Variants in ANK1 observed in about 807,000 individuals in gnomAD.
ANK1 encodes ankyrin 1.
A neutral mutation model predicts 210.4 loss-of-function variants in ANK1; 51 were observed. The ratio of observed to expected loss-of-function variants is 0.24; its 90% confidence interval spans 0.19 to 0.31. The LOEUF (loss-of-function observed/expected upper bound fraction) is 0.31. Among genes scored for constraint, ANK1 ranks in the 10% least tolerant of loss-of-function variants. The pLI, the probability that ANK1 is intolerant of heterozygous loss-of-function variation, is 1.00. For synonymous variants in ANK1, 967 were observed against 1,025.9 expected (o/e 0.94, Z 1.10); for missense variants, 2,051 against 2,504.4 (o/e 0.82, Z 3.86).
At chr8:41,757,736 T>C (rs1038376627) in intron 2 of ANK1, among the ~76,000 whole-genome samples, 1 of 152,206 alleles carries the variant, frequency 6.6e-6, no homozygotes, top group Non-Finnish European at 1.5e-5. Flanking sequence ...CCTGCCCCAA[T>C]TCAAAGGCCA....
In ANK1 at chr8:41,663,725, A is replaced by G. The variant is rs990648239; in HGVS notation, c.5412T>C (p.Asn1804=). ...TQVVQGNEFQ[N]IPGEQVTEEQ... ...CCTCTGTCACCTGCTCCCCTGGAAT[A>G]TTCTGAAACTCATTCCCCTGGAATT... The change falls in exon 40 of 43, where the codon AAT becomes AAC. Residue 1804 remains asparagine (N), a synonymous_variant. Coordinates refer to ENST00000289734, the MANE Select transcript of ANK1 (RefSeq NM_000037.4). 2 of 1,613,846 alleles carry G rather than the reference A, an allele frequency of 1.2e-6. No homozygotes were observed. The highest frequency in any genetic ancestry group is 1.7e-6 in the Non-Finnish European group (2 of 1,179,740).
chr8:41,887,012 G>A (rs1374828961), intron 1 of ANK1, among the ~76,000 whole-genome samples: 3 of 152,030 alleles, frequency 2.0e-5, no homozygotes, highest in Non-Finnish European at 4.4e-5. Flanking sequence ...GCTCCACTTT[G>A]AGCCAGTACA....
chr8:41,830,627 G>T (rs960466879), intron 1 of ANK1, among the ~76,000 whole-genome samples: 1 of 152,150 alleles, frequency 6.6e-6, no homozygotes, highest in African/African-American at 2.4e-5. Flanking sequence ...GTAAAGAAAA[G>T]GTTGTCTGGG....
At chr8:41,875,309 A>C (rs1246830025) in intron 1 of ANK1, among the ~76,000 whole-genome samples, 1 of 152,210 alleles carries the variant, frequency 6.6e-6, no homozygotes, top group African/African-American at 2.4e-5. Context: ...AGCAGCAGGC[A>C]TGTTGAAGAA....
intron 1 of ANK1, among the ~76,000 whole-genome samples, chr8:41,887,170 G>C (rs1211873451): frequency 6.7e-6 from 1 of 148,904 alleles, no homozygotes; most frequent in Non-Finnish European, 1.5e-5. Context: ...GGCGTCCTCT[G>C]CTTTTTCTTT....
intron 1 of ANK1, among the ~76,000 whole-genome samples, chr8:41,887,094 A>G (rs1818575009): frequency 2.0e-5 from 3 of 152,138 alleles, no homozygotes; most frequent in African/African-American, 7.2e-5. Context: ...TCAGCTATAC[A>G]TTCCAGATTT....
At chr8:41,801,418 A>C (rs1025273416), upstream of ANK1, among the ~76,000 whole-genome samples, 4 of 152,222 alleles carry the variant, frequency 2.6e-5, no homozygotes, top group South Asian at 8.3e-4. Flanking sequence ...CCGTACATGT[A>C]TCTTCAATCT....
rs912684490 is a variant in ANK1 at position 41,723,762 on chromosome 8, C to T, written c.712-129G>A. On this transcript the variant is annotated intron_variant, in intron 7 of 42. Transcript: ENST00000289734. The stretch of plus-strand genomic sequence containing the variant: ...AACAGCGTTGTCAGGGCATTTCTGG[C>T]CTAAGATATTTTATTTTTTTTTATT... The T allele has an allele frequency of 4.2e-5, 26 of 626,406 alleles. No individual in the cohort carries two copies. In the Admixed American group the frequency reaches 8.4e-4, roughly 20 times the overall value. 38.8% of individuals were successfully genotyped at this position (626,406 alleles called of 1,614,324 possible). A position where few individuals can be genotyped will look rare whatever the true frequency, so the allele number is the denominator to read the frequency against.
chr8:41,709,077 C>G (rs1825465467), intron 16 of ANK1, 102 bp from the exon 17 acceptor site: 10 of 1,381,058 alleles, frequency 7.2e-6, no homozygotes, highest in Non-Finnish European at 1.0e-5. Context: ...CGGCTGGACA[C>G]CCAGTGAGCA....
intron 1 of ANK1, among the ~76,000 whole-genome samples, chr8:41,879,500 A>C (rs1271117092): frequency 6.6e-6 from 1 of 152,262 alleles, no homozygotes; most frequent in African/African-American, 2.4e-5. Context: ...TCAACAGAAC[A>C]GACACTGCTG....
chr8:41,872,212 C>T (rs1689070617), intron 1 of ANK1, among the ~76,000 whole-genome samples: 1 of 152,200 alleles, frequency 6.6e-6, no homozygotes, highest in Non-Finnish European at 1.5e-5. Flanking sequence ...CCCTGTAGGC[C>T]TCAGCTCCCA....
chr8:41,697,561 C>G (rs1821416022), intron 24 of ANK1, among the ~76,000 whole-genome samples: 1 of 151,994 alleles, frequency 6.6e-6, no homozygotes, highest in Non-Finnish European at 1.5e-5. Flanking sequence ...GTGGAGCACT[C>G]CCCCGCTCTC....
At chr8:41,726,937 A>G (rs1019968163) in intron 5 of ANK1, among the ~76,000 whole-genome samples, 4 of 152,184 alleles carry the variant, frequency 2.6e-5, no homozygotes, top group South Asian at 2.1e-4. Flanking sequence ...TTAAGGCCCA[A>G]TGCAAACTTG....
chr8:41,772,565 T>C (rs4737008), intron 1 of ANK1, among the ~76,000 whole-genome samples: 125,997 of 152,206 alleles, frequency 0.83, 52,388 homozygotes, highest in East Asian at 0.91. Context: ...GGGTCAAACA[T>C]CCATGGTCAA....
chr8:41,866,949 T>C (rs912115775), intron 1 of ANK1, among the ~76,000 whole-genome samples: 2 of 152,364 alleles, frequency 1.3e-5, no homozygotes, highest in South Asian at 2.1e-4. Flanking sequence ...GGTCCCTGCT[T>C]TCAATTCCTT....
chr8:41,694,503 T>C lies in ANK1; in HGVS notation c.3327+89A>G. 1 of 1,281,118 alleles carries C rather than the reference T, an allele frequency of 7.8e-7. No individual in the cohort carries two copies. Among genetic ancestry groups the C allele is most frequent in the South Asian group, 1.3e-5 (1 of 78,536 alleles). The allele number at this position is 1,281,118 out of a possible 1,614,324, so 79.4% of individuals were successfully genotyped here. ...GGCATTTCAAAGCACCAGACAAAAG[T>C]GTGGGGATGTCCTGGGGAAGAGGGT... On this transcript the variant is annotated intron_variant, in intron 28 of 42. Transcript: ENST00000289734. This position sits in a 1 kb window ranked among gnomAD's most constrained non-coding sequence, Gnocchi z 5.7.
chr8:41,809,465 T>C (rs1049136392), intron 1 of ANK1, among the ~76,000 whole-genome samples: 7 of 152,186 alleles, frequency 4.6e-5, no homozygotes, highest in African/African-American at 7.2e-5. Flanking sequence ...TTATTCCTGT[T>C]TTACAAAGGG....
rs1231224819 is a variant in ANK1, at chr8:41,703,444, ATATATAT to A, written c.2295+590_2295+596del. 4.2e-4 allele frequency among the ~76,000 whole-genome samples: 26 copies of A among 62,364 alleles called. No individual in the cohort carries two copies. The East Asian group carries it at 5.2e-3, about 12-fold the overall frequency. The allele number at this position is 62,364 out of a possible 152,430, so 40.9% of individuals were successfully genotyped here. On this transcript the variant is annotated intron_variant, in intron 20 of 42. Coordinates refer to ENST00000289734, the MANE Select transcript of ANK1 (RefSeq NM_000037.4). ...TGTGTATATATATATATATATATAT[ATATATAT>A]TTTTTTTTTTTTTTTAAGACACAAG... is the stretch of plus-strand genomic sequence containing the variant.
rs2073283017 is a variant in ANK1 at position 41,704,252 on chromosome 8, C to T, written c.2197-113G>A. The T allele has an allele frequency of 1.5e-6, 2 of 1,362,958 alleles. No individual in the cohort carries two copies. Among genetic ancestry groups the T allele is most frequent in the Non-Finnish European group, 1.0e-6 (1 of 954,920 alleles). The allele number at this position is 1,362,958 out of a possible 1,614,324, so 84.4% of individuals were successfully genotyped here. A position where few individuals can be genotyped will look rare whatever the true frequency, so the allele number is the denominator to read the frequency against. The stretch of plus-strand genomic sequence containing the variant: ...GTGGGACATTAATGAAATGCATTTT[C>T]CCCCTTTCTTCCTTCAGGGTCCATG... On this transcript the variant is annotated intron_variant, in intron 19 of 42. Coordinates refer to ENST00000289734, the MANE Select transcript of ANK1 (RefSeq NM_000037.4). This position sits in a 1 kb window ranked among gnomAD's most constrained non-coding sequence, Gnocchi z 4.1.
Sources: allele counts gnomAD v4.1 joint callset (sites outside exome capture counted in the v4.1 genomes callset), GRCh38; gene constraint gnomAD v4.1.1; non-coding constraint Gnocchi (gnomAD v3.1); transcripts MANE v1.5; gene names NCBI Gene and HGNC (gene_info 2026-07-23, HGNC 2026-07-21).